The following BABAM2 variants were observed in gnomAD, a reference collection of about 807,000 sequenced individuals.
BABAM2 encodes BRISC and BRCA1-A complex member 2.
In BABAM2, 31 loss-of-function variants were observed where a neutral mutation model predicts 54.7. The ratio of observed to expected loss-of-function variants is 0.57; its 90% CI spans 0.43 to 0.77. BABAM2 has a LOEUF of 0.77. BABAM2 is among the 30% of genes least tolerant of loss of function. The pLI, the probability that BABAM2 is intolerant of heterozygous loss-of-function variation, is 0.00. For synonymous variants in BABAM2, 167 were observed against 162.9 expected, an observed-to-expected ratio of 1.03 and a Z score of -0.19; for missense variants, 364 against 455.8, an observed-to-expected ratio of 0.80 and a Z score of 1.83.
At chr2:28,108,074 T>A (rs575764085) in intron 6 of BABAM2, among the ~76,000 whole-genome samples, 13 of 152,304 alleles carry the variant, frequency 8.5e-5, no homozygotes, top group South Asian at 2.1e-4. Flanking sequence ...GTTTTTTTTT[T>A]AAACATAGTT....
At chr2:28,026,935 TA>T (rs1558667867) in intron 5 of BABAM2, among the ~76,000 whole-genome samples, 1,902 of 14,452 alleles carry the variant, frequency 0.13, 108 homozygotes, top group Non-Finnish European at 0.25. Context: ...TAAATATATA[TA>T]TAAATATATA....
At chr2:28,251,249 CTT>C (rs575365147) in intron 10 of BABAM2, among the ~76,000 whole-genome samples, 1 of 145,844 alleles carries the variant, frequency 6.9e-6, no homozygotes, top group Non-Finnish European at 1.5e-5. Context: ...TCTGGTAAGA[CTT>C]TTTTTTTTTA....
At chr2:28,150,639 C>T (rs922705529) in intron 7 of BABAM2, among the ~76,000 whole-genome samples, 3 of 152,204 alleles carry the variant, frequency 2.0e-5, no homozygotes, top group Non-Finnish European at 4.4e-5. Flanking sequence ...AGTTAGAAAG[C>T]TGCTTGGAAA....
chr2:28,001,264 T>G (rs1266775513), intron 4 of BABAM2, among the ~76,000 whole-genome samples: 1 of 152,248 alleles, frequency 6.6e-6, no homozygotes, highest in African/African-American at 2.4e-5. Context: ...CATTTGTGTA[T>G]GTACTGACGT....
chr2:28,248,141 A>G (rs1324159294), intron 10 of BABAM2, among the ~76,000 whole-genome samples: 1 of 151,826 alleles, frequency 6.6e-6, no homozygotes. Context: ...CATATTTGCC[A>G]AATTATGCTT....
At chr2:28,025,512 T>C in intron 5 of BABAM2, 92 bp downstream of exon 5, 3 of 1,239,232 alleles carry the variant, frequency 2.4e-6, no homozygotes, top group Non-Finnish European at 2.2e-6. Flanking sequence ...GTCATTTCTT[T>C]AGATAAACAT....
intron 5 of BABAM2, among the ~76,000 whole-genome samples, chr2:28,044,064 G>T (rs546291117): frequency 2.7e-4 from 41 of 152,288 alleles, no homozygotes; most frequent in African/African-American, 8.9e-4. Context: ...TGGTAATGAA[G>T]AAATGCTCTG....
intron 7 of BABAM2, among the ~76,000 whole-genome samples, chr2:28,190,698 G>A (rs546477014): frequency 6.6e-6 from 1 of 152,128 alleles, no homozygotes; most frequent in East Asian, 1.9e-4. Flanking sequence ...AAAAACAAGG[G>A]GGGGGCGGTG....
At chr2:28,107,002 C>T (rs554379821) in intron 6 of BABAM2, among the ~76,000 whole-genome samples, 1 of 152,124 alleles carries the variant, frequency 6.6e-6, no homozygotes, top group Non-Finnish European at 1.5e-5. Context: ...ATATTTGTAA[C>T]TTCCTTCTCT....
intron 8 of BABAM2, among the ~76,000 whole-genome samples, chr2:28,238,787 AAGCC>A (rs1682148309): frequency 6.6e-6 from 1 of 152,196 alleles, no homozygotes; most frequent in South Asian, 2.1e-4. Flanking sequence ...CGGAGAAGAA[AAGCC>A]TTTTTAAAGC....
intron 7 of BABAM2, among the ~76,000 whole-genome samples, chr2:28,184,040 A>G (rs542454596): frequency 6.6e-6 from 1 of 152,196 alleles, no homozygotes; most frequent in Admixed American, 6.5e-5. Flanking sequence ...GCATTTGGGC[A>G]TAGGAGATAA....
chr2:28,168,106 CAAG>C lies in BABAM2; in HGVS notation c.680+38727_680+38729del, dbSNP rs547998654. On this transcript the variant is annotated intron_variant, in intron 7 of 11. Transcript: ENST00000379624. ...AAGGGCTTTTTGTTACAGAGGAACT[CAAG>C]GAGCCCAGTGGAAAGCACTTCCAAC... 1.6e-3 allele frequency among the ~76,000 whole-genome samples: 240 copies of C among 152,256 alleles called. 3 individuals are homozygous for C. The South Asian group carries it at 0.023, about 15-fold the overall frequency.
chr2:27,968,145 C>T (rs1027209198), intron 3 of BABAM2, among the ~76,000 whole-genome samples: 1 of 152,202 alleles, frequency 6.6e-6, no homozygotes, highest in Admixed American at 6.5e-5. Flanking sequence ...TACAGCAGCC[C>T]CTCCCATTAC....
intron 3 of BABAM2, among the ~76,000 whole-genome samples, chr2:27,955,141 T>C (rs754661028): frequency 2.6e-5 from 4 of 152,210 alleles, no homozygotes; most frequent in African/African-American, 7.2e-5. Context: ...CTGTCAAAGG[T>C]CCAGGATTCC....
chr2:28,022,568 GT>G (rs1283916925), intron 4 of BABAM2, among the ~76,000 whole-genome samples: 1 of 152,088 alleles, frequency 6.6e-6, no homozygotes, highest in African/African-American at 2.4e-5. Flanking sequence ...CTCTGAATGC[GT>G]TTTTCATTCC....
Position 28,121,959 on chromosome 2 carries a change from A to G in BABAM2, c.571-7312A>G, listed in dbSNP as rs1043738682. Among the ~76,000 whole-genome samples the G allele has an allele frequency of 3.3e-5, 5 of 152,146 alleles. 1 individual carries two copies. Among genetic ancestry groups the G allele is most frequent in the Admixed American group, 2.6e-4 (4 of 15,276 alleles). On this transcript the variant is annotated intron_variant, in intron 6 of 11. Transcript: ENST00000379624. ...GTCAGGCGCAGTGACTCACGCCTGT[A>G]ATCCCAGCACTTTGGGAGGCCGAGG...
chr2:28,206,014 T>C (rs1182832051), intron 7 of BABAM2, among the ~76,000 whole-genome samples: 1 of 152,162 alleles, frequency 6.6e-6, no homozygotes, highest in Non-Finnish European at 1.5e-5. Flanking sequence ...CGTGTAGGAC[T>C]GACGTTGAAA....
chr2:28,214,983 GT>G (rs1227860270), intron 7 of BABAM2, among the ~76,000 whole-genome samples: 1 of 152,010 alleles, frequency 6.6e-6, no homozygotes, highest in Admixed American at 6.6e-5. Flanking sequence ...TCATATTATT[GT>G]TAATTCTACA....
intron 6 of BABAM2, among the ~76,000 whole-genome samples, chr2:28,128,103 C>G (rs746445745): frequency 6.6e-6 from 1 of 152,128 alleles, no homozygotes; most frequent in African/African-American, 2.4e-5. Context: ...TGAGCCACCG[C>G]GCCCAGCCGA....
Sources: gnomAD v4.1 joint callset for allele counts (sites outside exome capture counted in the v4.1 genomes callset) on GRCh38, gnomAD v4.1.1 for gene constraint, MANE v1.5 for transcripts, NCBI Gene and HGNC (gene_info 2026-07-23, HGNC 2026-07-21) for gene names.